Variants in FXN observed in about 807,000 individuals in gnomAD.
FXN encodes the protein frataxin, mitochondrial.
FXN carries 14 observed loss-of-function variants against 22.4 expected under a neutral mutation model. The observed-to-expected ratio is 0.62, with a 90% CI of 0.41 to 0.98. The LOEUF is 0.98. Among genes scored for constraint, FXN ranks in the 50% least tolerant of loss-of-function variants. The pLI is 0.00. For synonymous variants in FXN, 120 were observed against 114.1 expected, an observed-to-expected ratio of 1.05 and a Z score of -0.33; for missense variants, 267 against 268.4, an observed-to-expected ratio of 0.99 and a Z score of 0.04.
intron 1 of FXN, among the ~76,000 whole-genome samples, chr9:69,041,505 A>G (rs1831656246): frequency 6.6e-6 from 1 of 152,218 alleles, no homozygotes; most frequent in Non-Finnish European, 1.5e-5. Flanking sequence ...AGTTCCTTTC[A>G]GGTGAATTTC....
Position 69,077,375 on chromosome 9 carries a change from C to T in FXN, c.*4613C>T, listed in dbSNP as rs983654640. The T allele has an allele frequency of 8.1e-6, 8 of 985,348 alleles. No individual in the cohort carries two copies. In the African/African-American group the frequency reaches 1.2e-4, roughly 15 times the overall value. The allele number at this position is 985,348 out of a possible 1,614,324, so 61.0% of individuals were successfully genotyped here. ...TCCAAGCTCATATGTTCCATCTTCTCTGGCTGTATAGTTTAAGGAATGGAA... is the reference window on the plus strand; with the variant it reads ...TCCAAGCTCATATGTTCCATCTTCTTTGGCTGTATAGTTTAAGGAATGGAA... On this transcript the variant is annotated 3_prime_UTR_variant, in exon 5 of 5. Transcript: ENST00000484259.
At chr9:69,040,585 G>A (rs191472730) in intron 1 of FXN, among the ~76,000 whole-genome samples, 2 of 152,184 alleles carry the variant, frequency 1.3e-5, no homozygotes, top group South Asian at 2.1e-4. Context: ...GGAGAATGGC[G>A]TGAACCCGGG....
rs1832377262 is a variant in FXN, at chr9:69,076,753, T to C, written c.*3991T>C. On this transcript the variant is annotated 3_prime_UTR_variant, in exon 5 of 5. Coordinates refer to ENST00000484259, the MANE Select transcript of FXN (RefSeq NM_000144.5). The stretch of plus-strand genomic sequence containing the variant: ...CTAAGATGAAAGTAATTTTAGTCCG[T>C]GTCCAGTTGGATTCTTGGCACATAG... 3.0e-6 allele frequency: 3 copies of C among 985,318 alleles called. No homozygotes were observed. The highest frequency in any genetic ancestry group is 6.1e-5 in the Admixed American group (1 of 16,266). 61.0% of individuals were successfully genotyped at this position (985,318 alleles called of 1,614,324 possible).
chr9:69,065,507 C>T (rs1832152702), intron 4 of FXN, among the ~76,000 whole-genome samples: 1 of 150,448 alleles, frequency 6.6e-6, no homozygotes, highest in Non-Finnish European at 1.5e-5. Flanking sequence ...CGCCACTGCA[C>T]TCCAGCCTGG....
intron 1 of FXN, among the ~76,000 whole-genome samples, chr9:69,038,824 A>G (rs945937173): frequency 2.6e-5 from 4 of 152,044 alleles, no homozygotes; most frequent in Non-Finnish European, 4.4e-5. Context: ...TATCTTGCAT[A>G]CTCTTTTCGT....
At chr9:69,037,814 C>T (rs941381470) in intron 1 of FXN, among the ~76,000 whole-genome samples, 3 of 151,978 alleles carry the variant, frequency 2.0e-5, no homozygotes, top group Non-Finnish European at 4.4e-5. Flanking sequence ...CTGGGATTAT[C>T]GGCTAATTTT....
At chr9:69,061,497 T>C (rs2133122672) in intron 3 of FXN, among the ~76,000 whole-genome samples, 1 of 152,116 alleles carries the variant, frequency 6.6e-6, no homozygotes, top group East Asian at 1.9e-4. Context: ...TTACCAATGA[T>C]TGTGTGTTGA....
intron 3 of FXN, among the ~76,000 whole-genome samples, chr9:69,058,704 G>A (rs80058294): frequency 0.027 from 4,106 of 152,148 alleles, 186 homozygotes; most frequent in African/African-American, 0.093. Flanking sequence ...GAGACTCCAC[G>A]GTGTGCCACG....
At chr9:69,065,330 C>T (rs1246898936) in intron 4 of FXN, among the ~76,000 whole-genome samples, 4 of 152,154 alleles carry the variant, frequency 2.6e-5, no homozygotes, top group South Asian at 2.1e-4. Context: ...CACTTGAGCT[C>T]AGGAGTTTGA....
At position 69,074,338 on chromosome 9, in the gene FXN, G is replaced by T. The variant is rs1564341904; in HGVS notation, c.*1576G>T. 2.0e-6 allele frequency: 2 copies of T among 985,112 alleles called. No individual in the cohort carries two copies. Among genetic ancestry groups the T allele is most frequent in the Non-Finnish European group, 1.2e-6 (1 of 829,918 alleles). The allele number at this position is 985,112 out of a possible 1,614,324, so 61.0% of individuals were successfully genotyped here. A position where few individuals can be genotyped will look rare whatever the true frequency, so the allele number is the denominator to read the frequency against. On this transcript the variant is annotated 3_prime_UTR_variant, in exon 5 of 5. Coordinates refer to ENST00000484259, the MANE Select transcript of FXN (RefSeq NM_000144.5). ...TCCAGGACATTAAAATTCATGCAAA[G>T]TTATGCTCATGTTATATTATTTTCT... is the stretch of plus-strand genomic sequence containing the variant.
rs139315336 is a variant in FXN at position 69,046,973 on chromosome 9, G to A, written c.263+491G>A. On this transcript the variant is annotated intron_variant, in intron 2 of 4. Transcript: ENST00000484259. ...TTCCATTGGCCAGAAAGGGCTAGAA[G>A]CACAGAAGGGCTGGAAGTGGCATTT... 1.7e-3 allele frequency among the ~76,000 whole-genome samples: 261 copies of A among 152,318 alleles called. 3 individuals carry two copies. The East Asian group carries it at 0.032, about 19-fold the overall frequency.
At chr9:69,065,945 A>G (rs1325478021) in intron 4 of FXN, among the ~76,000 whole-genome samples, 1 of 152,190 alleles carries the variant, frequency 6.6e-6, no homozygotes, top group Non-Finnish European at 1.5e-5. Flanking sequence ...AGAGTGTTAT[A>G]TATTGCTGCT....
intron 3 of FXN, among the ~76,000 whole-genome samples, chr9:69,059,950 A>T (rs887269950): frequency 6.6e-6 from 1 of 152,200 alleles, no homozygotes; most frequent in African/African-American, 2.4e-5. Context: ...GGTCATATGT[A>T]TGTGAAGTCT....
At chr9:69,066,863 A>AT (rs1363054163) in intron 4 of FXN, among the ~76,000 whole-genome samples, 21 of 118,080 alleles carry the variant, frequency 1.8e-4, no homozygotes, top group African/African-American at 6.1e-4. Flanking sequence ...TTCCTCAAAA[A>AT]AAAAAAATAT....
intron 3 of FXN, among the ~76,000 whole-genome samples, chr9:69,055,946 C>T (rs1021697099): frequency 6.6e-6 from 1 of 152,034 alleles, no homozygotes; most frequent in African/African-American, 2.4e-5. Flanking sequence ...TGCAGTGGCA[C>T]AATCATAGCT....
At chr9:69,038,602 G>T (rs1176266678) in intron 1 of FXN, among the ~76,000 whole-genome samples, 1 of 152,104 alleles carries the variant, frequency 6.6e-6, no homozygotes, top group East Asian at 1.9e-4. Flanking sequence ...GAGGCGAGTG[G>T]ATCATCTGAG....
intron 3 of FXN, among the ~76,000 whole-genome samples, chr9:69,053,565 A>T (rs1431712621): frequency 1.3e-5 from 2 of 151,980 alleles, no homozygotes; most frequent in Non-Finnish European, 2.9e-5. Flanking sequence ...TAGATAAGAC[A>T]AGACTAGGCT....
rs555900267 is a variant in FXN, at chr9:69,074,103, T to C, written c.*1341T>C. ...GGGAGGCTGAAGCGGAAGAATCGCT[T>C]GAACCCAGAGGTGGAGGTTGCAGTG... On this transcript the variant is annotated 3_prime_UTR_variant, in exon 5 of 5. Coordinates refer to ENST00000484259, the MANE Select transcript of FXN (RefSeq NM_000144.5). 4.7e-4 allele frequency: 186 copies of C among 398,230 alleles called. No individual in the cohort carries two copies. Among genetic ancestry groups the C allele is most frequent in the Non-Finnish European group, 6.1e-4 (178 of 293,658 alleles). The allele number at this position is 398,230 out of a possible 1,614,324, so 24.7% of individuals were successfully genotyped here.
chr9:69,036,586 G>A (rs967596458), intron 1 of FXN, among the ~76,000 whole-genome samples: 2 of 152,186 alleles, frequency 1.3e-5, no homozygotes, highest in African/African-American at 4.8e-5. Flanking sequence ...TGTGACCTTG[G>A]GGGATTCCCC....
Sources: allele counts gnomAD v4.1 joint callset (sites outside exome capture counted in the v4.1 genomes callset), GRCh38; gene constraint gnomAD v4.1.1; transcripts MANE v1.5; gene names NCBI Gene and HGNC (gene_info 2026-07-23, HGNC 2026-07-21).